DRC11: variants seen among roughly 807,000 people sequenced by gnomAD.
DRC11 encodes dynein regulatory complex subunit 11, also known as IQ and AAA domain-containing protein 1.
chr2:236,376,332 C>A, the DRC11 span, among the ~76,000 whole-genome samples: 3 of 152,192 alleles, frequency 2.0e-5, no homozygotes, highest in Non-Finnish European at 2.9e-5. This position sits in a 1 kb window ranked among gnomAD's most constrained non-coding sequence, Gnocchi z 5.7. Flanking sequence ...ACACAACAAT[C>A]ACTTGCACCA....
At chr2:236,446,702 G>A in the DRC11 span, among the ~76,000 whole-genome samples, 1 of 152,180 alleles carries the variant, frequency 6.6e-6, no homozygotes, top group Non-Finnish European at 1.5e-5. This position sits in a 1 kb window ranked among gnomAD's most constrained non-coding sequence, Gnocchi z 6.2. Flanking sequence ...GCTGCCACAC[G>A]GTGTGGGCAC....
the DRC11 span, among the ~76,000 whole-genome samples, chr2:236,374,748 T>C: frequency 2.0e-5 from 3 of 152,066 alleles, no homozygotes. Context: ...TGGAGTGCAA[T>C]GGCGTGACCT....
At chr2:236,354,657 G>C in the DRC11 span, among the ~76,000 whole-genome samples, 1 of 152,266 alleles carries the variant, frequency 6.6e-6, no homozygotes, top group Admixed American at 6.5e-5. Context: ...CATTTTGAAT[G>C]CTCGTGGCAT....
At chr2:236,411,081 A>G in the DRC11 span, among the ~76,000 whole-genome samples, 1 of 144,262 alleles carries the variant, frequency 6.9e-6, no homozygotes, top group East Asian at 2.0e-4. Context: ...CTGCACAGCA[A>G]AAGAAACTAC....
At chr2:236,459,513 G>A in the DRC11 span, among the ~76,000 whole-genome samples, 24 of 85,278 alleles carry the variant, frequency 2.8e-4, 1 homozygote, top group South Asian at 2.3e-3. Flanking sequence ...ATACGTATAC[G>A]TATACATGTA....
the DRC11 span, among the ~76,000 whole-genome samples, chr2:236,398,043 G>A: frequency 2.6e-5 from 4 of 152,182 alleles, no homozygotes; most frequent in Non-Finnish European, 4.4e-5. The surrounding 1 kb of genome is among the most constrained non-coding windows in gnomAD (Gnocchi z 6.2). Flanking sequence ...GGATGACAGC[G>A]GGGCTTCTAC....
the DRC11 span, among the ~76,000 whole-genome samples, chr2:236,360,371 A>G: frequency 6.6e-6 from 1 of 152,222 alleles, no homozygotes; most frequent in Admixed American, 6.5e-5. This position sits in a 1 kb window ranked among gnomAD's most constrained non-coding sequence, Gnocchi z 5.8. Context: ...GGACTGAGTG[A>G]GTTAATACGT....
the DRC11 span, among the ~76,000 whole-genome samples, chr2:236,493,610 C>A: frequency 6.6e-6 from 1 of 152,086 alleles, no homozygotes; most frequent in African/African-American, 2.4e-5. Context: ...AAAAGCACAT[C>A]CAAAAGTTAT....
At chr2:236,392,501 G>T in the DRC11 span, 1 of 467,638 alleles carries the variant, frequency 2.1e-6, no homozygotes, top group East Asian at 3.3e-5. This position sits in a 1 kb window ranked among gnomAD's most constrained non-coding sequence, Gnocchi z 5.1. Context: ...ATAAAAGTTT[G>T]AATAAAATAA....
At chr2:236,406,409 T>C in the DRC11 span, among the ~76,000 whole-genome samples, 2 of 152,148 alleles carry the variant, frequency 1.3e-5, no homozygotes, top group East Asian at 3.9e-4. This position sits in a 1 kb window ranked among gnomAD's most constrained non-coding sequence, Gnocchi z 4.7. Context: ...CTCACACTGG[T>C]AGGGCTGTGG....
At chr2:236,500,944 C>T in the DRC11 span, among the ~76,000 whole-genome samples, 1 of 152,176 alleles carries the variant, frequency 6.6e-6, no homozygotes, top group African/African-American at 2.4e-5. This position sits in a 1 kb window ranked among gnomAD's most constrained non-coding sequence, Gnocchi z 6.3. Flanking sequence ...GTGATCTGCC[C>T]ACCTCGGCCT....
the DRC11 span, among the ~76,000 whole-genome samples, chr2:236,382,933 A>C: frequency 6.6e-6 from 1 of 152,210 alleles, no homozygotes; most frequent in Non-Finnish European, 1.5e-5. Flanking sequence ...AACAGTACAG[A>C]AATACCTCTC....
the DRC11 span, among the ~76,000 whole-genome samples, chr2:236,377,597 TTA>T: frequency 3.9e-5 from 6 of 152,216 alleles, no homozygotes; most frequent in Non-Finnish European, 5.9e-5. This position sits in a 1 kb window ranked among gnomAD's most constrained non-coding sequence, Gnocchi z 4.9. Context: ...TTTGTGAAAT[TTA>T]TGTTTCCTTT....
At chr2:236,500,389 G>A in the DRC11 span, among the ~76,000 whole-genome samples, 5 of 152,242 alleles carry the variant, frequency 3.3e-5, no homozygotes, top group Non-Finnish European at 7.4e-5. This position sits in a 1 kb window ranked among gnomAD's most constrained non-coding sequence, Gnocchi z 6.3. Context: ...AAGCAGACGA[G>A]GAAGGAGGGG....
the DRC11 span, among the ~76,000 whole-genome samples, chr2:236,460,235 C>T: frequency 7.4e-4 from 112 of 152,164 alleles, 1 homozygote; most frequent in Non-Finnish European, 1.6e-4. The surrounding 1 kb of genome is among the most constrained non-coding windows in gnomAD (Gnocchi z 4.0). Context: ...CCCACGAGGA[C>T]GACTCTAACT....
At chr2:236,413,123 T>TC in the DRC11 span, among the ~76,000 whole-genome samples, 1 of 152,192 alleles carries the variant, frequency 6.6e-6, no homozygotes, top group Non-Finnish European at 1.5e-5. The surrounding 1 kb of genome is among the most constrained non-coding windows in gnomAD (Gnocchi z 4.0). Context: ...CTGCAGTGCC[T>TC]CCATTGGCCC....
At chr2:236,395,417 C>G in the DRC11 span, among the ~76,000 whole-genome samples, 2 of 152,190 alleles carry the variant, frequency 1.3e-5, no homozygotes, top group Non-Finnish European at 2.9e-5. Context: ...TAAAGCATCC[C>G]ATTGGTGGAA....
chr2:236,321,852 G>C, the DRC11 span, among the ~76,000 whole-genome samples: 1 of 152,104 alleles, frequency 6.6e-6, no homozygotes, highest in Non-Finnish European at 1.5e-5. Context: ...ACAGAGGGTG[G>C]GGGGGAAGTC....
the DRC11 span, among the ~76,000 whole-genome samples, chr2:236,388,814 T>C: frequency 6.7e-6 from 1 of 149,644 alleles, no homozygotes; most frequent in Non-Finnish European, 1.5e-5. Flanking sequence ...TGGTCTTTGA[T>C]GATGGTGATG....
Sources: gnomAD v4.1 joint callset for allele counts (sites outside exome capture counted in the v4.1 genomes callset) on GRCh38, gnomAD v4.1.1 for gene constraint, Gnocchi (gnomAD v3.1) non-coding constraint, MANE v1.5 for transcripts, NCBI Gene and HGNC (gene_info 2026-07-23, HGNC 2026-07-21) for gene names.